Variants in HDAC9 observed in about 807,000 individuals in gnomAD.
HDAC9 encodes the protein MEF-2 interacting transcription repressor (MITR) protein.
HDAC9 carries 41 observed loss-of-function variants against 139.4 expected under a neutral mutation model. That is an observed-to-expected ratio of 0.29 (90% CI 0.23 to 0.38). The LOEUF (loss-of-function observed/expected upper bound fraction) is 0.38. Ranked by LOEUF, HDAC9 falls within the 10% of genes least tolerant of loss-of-function variation. The probability of loss-of-function intolerance (pLI) is 1.00; values close to 1 mark genes in which losing one functional copy is unlikely to be tolerated. For missense variants in HDAC9, 1,147 were observed against 1,297.0 expected, an observed-to-expected ratio of 0.88 and a Z score of 1.78; for synonymous variants, 517 against 476.2, an observed-to-expected ratio of 1.09 and a Z score of -1.12.
At chr7:18,991,603 C>G (rs1785971688) in intron 25 of HDAC9, among the ~76,000 whole-genome samples, 1 of 151,016 alleles carries the variant, frequency 6.6e-6, no homozygotes. Context: ...TGCCATTGCA[C>G]TCCAGCCTGG....
intron 6 of HDAC9, among the ~76,000 whole-genome samples, chr7:18,603,348 A>G (rs940505766): frequency 6.6e-6 from 1 of 152,000 alleles, no homozygotes; most frequent in African/African-American, 2.4e-5. Flanking sequence ...TGTTTTCTTC[A>G]TTATATTTAC....
At chr7:18,154,409 T>C (rs1180562180) in intron 1 of HDAC9, among the ~76,000 whole-genome samples, 2 of 152,214 alleles carry the variant, frequency 1.3e-5, no homozygotes, top group Non-Finnish European at 2.9e-5. Flanking sequence ...TGTGCCACAG[T>C]GAGAGGCACT....
chr7:18,831,843 A>G (rs1430889742), intron 19 of HDAC9, among the ~76,000 whole-genome samples: 1 of 152,184 alleles, frequency 6.6e-6, no homozygotes, highest in African/African-American at 2.4e-5. Flanking sequence ...AAAGTCATTA[A>G]TGTTAGCTGG....
intron 1 of HDAC9, among the ~76,000 whole-genome samples, chr7:18,152,411 A>G (rs369862175): frequency 3.3e-5 from 5 of 151,946 alleles, no homozygotes; most frequent in South Asian, 2.1e-4. Context: ...TCTGCTCTCT[A>G]TATATGTTTG....
chr7:18,485,551 CA>C (rs1795912619), intron 1 of HDAC9, among the ~76,000 whole-genome samples: 1 of 151,360 alleles, frequency 6.6e-6, no homozygotes, highest in South Asian at 2.1e-4. Flanking sequence ...TTCGGCAATA[CA>C]GAACTCAATT....
At chr7:18,716,069 A>T (rs1298223972) in intron 12 of HDAC9, among the ~76,000 whole-genome samples, 1 of 152,252 alleles carries the variant, frequency 6.6e-6, no homozygotes, top group Non-Finnish European at 1.5e-5. Context: ...AAAGGGAGGA[A>T]TAAAGGAAAT....
In HDAC9 at chr7:18,441,669, A is replaced by G. The variant is rs149036724; in HGVS notation, c.-41-54593A>G. Among the ~76,000 whole-genome samples the G allele has an allele frequency of 1.9e-3, 292 of 152,362 alleles. 2 individuals are homozygous for G. Among genetic ancestry groups the G allele is most frequent in the African/African-American group, 5.7e-3 (238 of 41,580 alleles). On this transcript the variant is annotated intron_variant, in intron 1 of 3. Transcript: ENST00000413509. Reference sequence around the variant, plus strand: ...GAGACTTATGTTTTAGAAATATAAAACAAAAGAAAGAAAATTATTTAAGAA... The same window carrying G: ...GAGACTTATGTTTTAGAAATATAAAGCAAAAGAAAGAAAATTATTTAAGAA...
intron 11 of HDAC9, among the ~76,000 whole-genome samples, chr7:18,656,712 A>C (rs1791319911): frequency 6.6e-6 from 1 of 152,138 alleles, no homozygotes; most frequent in Admixed American, 6.6e-5. Context: ...ATTCTTCCAA[A>C]TCTTAGCTAT....
intron 22 of HDAC9, among the ~76,000 whole-genome samples, chr7:18,882,162 A>G (rs1438023841): frequency 6.6e-6 from 1 of 152,080 alleles, no homozygotes; most frequent in Non-Finnish European, 1.5e-5. Flanking sequence ...TTCTTCCACT[A>G]TATTCGATGT....
Position 18,727,650 on chromosome 7 carries a change from A to T in HDAC9, c.1802A>T (p.Asp601Val), listed in dbSNP as rs754452873. ...RQAPLAAVGM[D>V]GLEKHRLVSR... is the part of the protein sequence containing the mutation. ...GCTCCGCTGGCTGCGGTTGGCATGG[A>T]TGGATTAGAGAAACACCGTCTCGTC... The change falls in exon 13 of 26, where the codon GAT (aspartate) becomes GTT (valine). Residue 601 changes from aspartate to valine, a missense_variant. Asp to Val is a radical substitution (Grantham distance 152). Coordinates refer to ENST00000686413, the MANE Select transcript of HDAC9 (RefSeq NM_178425.4). The T allele has an allele frequency of 3.1e-6, 5 of 1,592,048 alleles. No individual in the cohort carries two copies. The highest frequency in any genetic ancestry group is 4.3e-6 in the Non-Finnish European group (5 of 1,172,324).
At chr7:18,722,362 C>T (rs536705269) in intron 12 of HDAC9, among the ~76,000 whole-genome samples, 2 of 152,074 alleles carry the variant, frequency 1.3e-5, no homozygotes, top group Admixed American at 6.6e-5. Flanking sequence ...TAATGGTGCT[C>T]AATAAGTAAA....
At chr7:18,451,528 C>T (rs1026952687) in intron 1 of HDAC9, among the ~76,000 whole-genome samples, 1 of 151,366 alleles carries the variant, frequency 6.6e-6, no homozygotes, top group Non-Finnish European at 1.5e-5. Flanking sequence ...TGGAGAATCT[C>T]GATTGGCCAG....
At chr7:18,652,759 G>A (rs749938066) in intron 11 of HDAC9, among the ~76,000 whole-genome samples, 1 of 151,744 alleles carries the variant, frequency 6.6e-6, no homozygotes, top group East Asian at 1.9e-4. Flanking sequence ...CATAAGAGCA[G>A]GAATTTTAAG....
intron 2 of HDAC9, among the ~76,000 whole-genome samples, chr7:18,196,950 A>T (rs1199225276): frequency 6.6e-6 from 1 of 152,182 alleles, no homozygotes; most frequent in Non-Finnish European, 1.5e-5. Flanking sequence ...TGTGAGGGTG[A>T]TTTTAGATGA....
chr7:18,413,246 G>T (rs927568753), intron 1 of HDAC9, among the ~76,000 whole-genome samples: 3 of 152,136 alleles, frequency 2.0e-5, no homozygotes, highest in African/African-American at 7.2e-5. Flanking sequence ...GCAGAAGGAA[G>T]CCCAGACGTC....
At chr7:18,838,251 T>G (rs2073963) in intron 21 of HDAC9, among the ~76,000 whole-genome samples, 65,423 of 151,806 alleles carry the variant, frequency 0.43, 14,205 homozygotes, top group South Asian at 0.55. Context: ...TCAGGGATCA[T>G]AATATATGTC....
intron 12 of HDAC9, chr7:18,666,791 T>C: frequency 8.9e-7 from 1 of 1,123,822 alleles, no homozygotes; most frequent in Non-Finnish European, 1.1e-6. Context: ...CAAAGCCTGC[T>C]ACACCAATTA....
intron 23 of HDAC9, among the ~76,000 whole-genome samples, chr7:18,936,464 A>T (rs1229957636): frequency 6.6e-6 from 1 of 152,208 alleles, no homozygotes; most frequent in Non-Finnish European, 1.5e-5. Flanking sequence ...CATGAACATG[A>T]ATCTAAATGG....
intron 23 of HDAC9, among the ~76,000 whole-genome samples, chr7:18,938,759 G>A (rs372472679): frequency 6.6e-6 from 1 of 152,190 alleles, no homozygotes; most frequent in African/African-American, 2.4e-5. Context: ...ACTGGTCAGA[G>A]TTTGAACATT....
Sources: allele counts gnomAD v4.1 joint callset (sites outside exome capture counted in the v4.1 genomes callset), GRCh38; gene constraint gnomAD v4.1.1; transcripts MANE v1.5; gene names NCBI Gene and HGNC (gene_info 2026-07-23, HGNC 2026-07-21).